The following NREP variants were observed in gnomAD, a reference collection of about 807,000 sequenced individuals.
NREP encodes neuronal regeneration-related protein.
A neutral mutation model predicts 8.6 loss-of-function variants in NREP; 5 were observed. The ratio of observed to expected loss-of-function variants is 0.58; its 90% CI spans 0.30 to 1.22. The LOEUF is 1.22. Ranked by LOEUF, NREP falls within the 50% of genes most tolerant of loss-of-function variation. NREP has a pLI of 0.07. For synonymous variants in NREP, 27 were observed against 28.0 expected (o/e 0.96, Z 0.11); for missense variants, 86 against 82.5 (o/e 1.04, Z -0.17).
chr5:111,806,244 A>G (rs1221185697), intron 2 of NREP, among the ~76,000 whole-genome samples: 1 of 152,130 alleles, frequency 6.6e-6, no homozygotes, highest in Non-Finnish European at 1.5e-5. Context: ...GGGTCAAAGA[A>G]TACATACACC....
intron 2 of NREP, among the ~76,000 whole-genome samples, chr5:111,882,834 C>A (rs1754122088): frequency 6.6e-6 from 1 of 152,200 alleles, no homozygotes; most frequent in South Asian, 2.1e-4. Flanking sequence ...AAGCACTAAA[C>A]ATGGAAAGGA....
intron 2 of NREP, among the ~76,000 whole-genome samples, chr5:111,899,933 T>G (rs973424573): frequency 2.0e-5 from 3 of 152,076 alleles, no homozygotes; most frequent in Non-Finnish European, 4.4e-5. Context: ...CAAAGAAACA[T>G]CAGACTTAAT....
chr5:111,937,254 G>A (rs1755709109), intron 2 of NREP, among the ~76,000 whole-genome samples: 1 of 152,090 alleles, frequency 6.6e-6, no homozygotes, highest in South Asian at 2.1e-4. Context: ...TAGCAGATAA[G>A]TGTAACACCC....
intron 2 of NREP, among the ~76,000 whole-genome samples, chr5:111,837,932 T>C (rs569107369): frequency 3.3e-5 from 5 of 152,168 alleles, no homozygotes; most frequent in African/African-American, 9.6e-5. Flanking sequence ...TCTACTGTTA[T>C]GTGAAGTCTA....
intron 2 of NREP, among the ~76,000 whole-genome samples, chr5:111,750,602 C>T (rs1403437691): frequency 6.6e-6 from 1 of 152,222 alleles, no homozygotes; most frequent in African/African-American, 2.4e-5. Flanking sequence ...CCCCAATCCC[C>T]AGTCCTCACT....
chr5:111,910,431 G>A (rs1754880883), intron 2 of NREP, among the ~76,000 whole-genome samples: 1 of 151,868 alleles, frequency 6.6e-6, no homozygotes, highest in African/African-American at 2.4e-5. Context: ...CTTTTTTGGG[G>A]GGTACTAGTG....
intron 2 of NREP, among the ~76,000 whole-genome samples, chr5:111,751,568 G>A (rs1750363312): frequency 6.6e-6 from 1 of 152,178 alleles, no homozygotes; most frequent in South Asian, 2.1e-4. Flanking sequence ...AAGTAGAGGA[G>A]CCTTTAAAAT....
chr5:111,759,990 C>T (rs1234128623), upstream of NREP, among the ~76,000 whole-genome samples: 1 of 152,200 alleles, frequency 6.6e-6, no homozygotes, highest in Non-Finnish European at 1.5e-5. Context: ...CAGTCCTTCA[C>T]TTCACTCTGA....
intron 2 of NREP, among the ~76,000 whole-genome samples, chr5:111,857,137 C>G (rs897139041): frequency 6.6e-6 from 1 of 152,178 alleles, no homozygotes; most frequent in Non-Finnish European, 1.5e-5. Flanking sequence ...CAAATGGAAG[C>G]TAGCCTGCAG....
At chr5:111,917,683 A>G (rs1755101839) in intron 2 of NREP, among the ~76,000 whole-genome samples, 1 of 152,214 alleles carries the variant, frequency 6.6e-6, no homozygotes, top group African/African-American at 2.4e-5. Flanking sequence ...AACTTTCAAT[A>G]AACTAAGTAC....
upstream of NREP, chr5:111,757,561 C>G: frequency 1.0e-6 from 1 of 984,710 alleles, no homozygotes; most frequent in East Asian, 1.1e-4. Context: ...AGACTGCTTA[C>G]TCGGCAGGAA....
chr5:111,836,612 T>C (rs1287793069), intron 2 of NREP, among the ~76,000 whole-genome samples: 2 of 151,880 alleles, frequency 1.3e-5, no homozygotes, highest in African/African-American at 2.4e-5. Flanking sequence ...ATGTGACAAA[T>C]AGGAGAAAGA....
At chr5:111,863,740 A>G (rs1753603477) in intron 2 of NREP, among the ~76,000 whole-genome samples, 1 of 152,096 alleles carries the variant, frequency 6.6e-6, no homozygotes, top group African/African-American at 2.4e-5. Flanking sequence ...TAACATAAAG[A>G]CCTTATTCTA....
At chr5:111,819,164 T>C (rs536243665) in intron 2 of NREP, among the ~76,000 whole-genome samples, 2 of 152,274 alleles carry the variant, frequency 1.3e-5, no homozygotes, top group East Asian at 3.9e-4. Flanking sequence ...TTCATATCTG[T>C]TCCTCTGGTC....
At chr5:111,836,238 TA>T (rs1752890702) in intron 2 of NREP, among the ~76,000 whole-genome samples, 1 of 152,102 alleles carries the variant, frequency 6.6e-6, no homozygotes, top group African/African-American at 2.4e-5. Context: ...ATGAATGAAT[TA>T]AACACTGCCC....
chr5:111,974,888 C>T (rs1238379118), intron 2 of NREP, among the ~76,000 whole-genome samples: 2 of 152,182 alleles, frequency 1.3e-5, no homozygotes, highest in African/African-American at 4.8e-5. Flanking sequence ...CGTCTCAGTA[C>T]TCAAGGAGTT....
chr5:111,914,818 T>C (rs958066299), intron 2 of NREP, among the ~76,000 whole-genome samples: 1 of 152,108 alleles, frequency 6.6e-6, no homozygotes, highest in Non-Finnish European at 1.5e-5. Flanking sequence ...TGAACGTTTG[T>C]CTTAGGTTGT....
At chr5:111,951,203 C>G (rs1756151343) in intron 2 of NREP, among the ~76,000 whole-genome samples, 1 of 152,078 alleles carries the variant, frequency 6.6e-6, no homozygotes, top group Non-Finnish European at 1.5e-5. Flanking sequence ...TGGAGGGCTT[C>G]TGTTTACTCA....
intron 2 of NREP, among the ~76,000 whole-genome samples, chr5:111,888,349 G>GCC (rs1435375154): frequency 1.3e-5 from 2 of 151,894 alleles, no homozygotes; most frequent in African/African-American, 4.8e-5. Context: ...TGGCGGGGGG[G>GCC]GTCTCAGGAA....
Sources: gnomAD v4.1 joint callset for allele counts (sites outside exome capture counted in the v4.1 genomes callset) on GRCh38, gnomAD v4.1.1 for gene constraint, MANE v1.5 for transcripts, NCBI Gene and HGNC (gene_info 2026-07-23, HGNC 2026-07-21) for gene names.